The following FRMD6 variants were observed in gnomAD, a reference collection of about 807,000 sequenced individuals.
The protein encoded by FRMD6 is FERM domain-containing protein 6.
In FRMD6, 37 loss-of-function variants were observed where a neutral mutation model predicts 73.2. The ratio of observed to expected loss-of-function variants is 0.51; its 90% CI spans 0.39 to 0.66. The LOEUF (loss-of-function observed/expected upper bound fraction) is 0.66. Among genes scored for constraint, FRMD6 ranks in the 30% least tolerant of loss-of-function variants. The pLI, the probability that FRMD6 is intolerant of heterozygous loss-of-function variation, is 0.00. For missense variants in FRMD6, 714 were observed against 780.5 expected (o/e 0.91, Z 1.02); for synonymous variants, 273 against 282.2 (o/e 0.97, Z 0.33).
At chr14:51,651,790 C>T (rs1252532362), upstream of FRMD6, 1 of 100,516 alleles carries the variant, frequency 9.9e-6, no homozygotes, top group Non-Finnish European at 2.0e-5. Flanking sequence ...CCAGTTGGGG[C>T]GGGTCGGGGG....
chr14:51,525,043 G>A (rs1566792706), intron 1 of FRMD6, among the ~76,000 whole-genome samples: 1 of 140,666 alleles, frequency 7.1e-6, no homozygotes, highest in Non-Finnish European at 1.5e-5. Context: ...GAGAGAAAGA[G>A]AGAGAGAGAG....
chr14:51,397,126 A>G, the FRMD6 span: 1 of 152,314 alleles, frequency 6.6e-6, no homozygotes, highest in African/African-American at 2.4e-5. Flanking sequence ...CTGATCTGCA[A>G]GAGGAGACTG....
the FRMD6 span, among the ~76,000 whole-genome samples, chr14:51,476,920 G>T: frequency 6.6e-6 from 1 of 152,210 alleles, no homozygotes; most frequent in South Asian, 2.1e-4. Context: ...CTATAGGGAA[G>T]ACTGCAGAAA....
chr14:51,416,921 C>T, the FRMD6 span, among the ~76,000 whole-genome samples: 1 of 152,104 alleles, frequency 6.6e-6, no homozygotes, highest in Admixed American at 6.5e-5. Flanking sequence ...CCTTCTTTGT[C>T]TCTTTTGATC....
upstream of FRMD6, among the ~76,000 whole-genome samples, chr14:51,488,076 C>T (rs1001404321): frequency 6.6e-6 from 1 of 152,220 alleles, no homozygotes; most frequent in African/African-American, 2.4e-5. Flanking sequence ...GGCAGTTCCT[C>T]TTTCCCTAGG....
At chr14:51,702,902 G>A (rs552033417) in intron 5 of FRMD6, among the ~76,000 whole-genome samples, 68 of 152,042 alleles carry the variant, frequency 4.5e-4, no homozygotes, top group African/African-American at 1.6e-3. Flanking sequence ...TCTCCAAAAA[G>A]ATACTTATTT....
intron 4 of FRMD6, among the ~76,000 whole-genome samples, chr14:51,702,266 A>G (rs529646522): frequency 6.6e-6 from 1 of 152,106 alleles, no homozygotes; most frequent in South Asian, 2.1e-4. Flanking sequence ...CATTGGCATT[A>G]CAGTGAATGA....
intron 1 of FRMD6, among the ~76,000 whole-genome samples, chr14:51,495,914 A>G (rs576352732): frequency 6.6e-6 from 1 of 152,356 alleles, no homozygotes; most frequent in East Asian, 1.9e-4. Context: ...TTATTGGTTT[A>G]GGTGGTCACC....
At chr14:51,693,137 A>G (rs1185452729) in intron 2 of FRMD6, among the ~76,000 whole-genome samples, 3 of 152,220 alleles carry the variant, frequency 2.0e-5, no homozygotes, top group Admixed American at 1.3e-4. Flanking sequence ...CCTGAATTCA[A>G]ATCTCATATC....
intron 1 of FRMD6, among the ~76,000 whole-genome samples, chr14:51,564,655 G>C (rs1887678464): frequency 6.6e-6 from 1 of 152,178 alleles, no homozygotes; most frequent in Non-Finnish European, 1.5e-5. Flanking sequence ...AACAGCCTTA[G>C]AAAGAGAGGT....
intron 1 of FRMD6, among the ~76,000 whole-genome samples, chr14:51,549,816 C>T (rs1418162655): frequency 6.6e-5 from 10 of 151,888 alleles, no homozygotes; most frequent in African/African-American, 2.4e-4. Flanking sequence ...AGGATGATCT[C>T]GATCTCCTGA....
At chr14:51,679,102 T>C (rs1196752437) in intron 1 of FRMD6, among the ~76,000 whole-genome samples, 3 of 152,060 alleles carry the variant, frequency 2.0e-5, no homozygotes, top group African/African-American at 7.2e-5. Context: ...GTGATATGTA[T>C]GATCAGATAT....
At chr14:51,455,742 C>G in the FRMD6 span, among the ~76,000 whole-genome samples, 1 of 152,048 alleles carries the variant, frequency 6.6e-6, no homozygotes, top group African/African-American at 2.4e-5. Context: ...GCAAAGCAAA[C>G]GTCTGGGAAT....
chr14:51,614,964 G>A (rs1467703562), intron 2 of FRMD6, among the ~76,000 whole-genome samples: 1 of 152,188 alleles, frequency 6.6e-6, no homozygotes, highest in African/African-American at 2.4e-5. Flanking sequence ...TAAGGTTGAG[G>A]AGTTTCTTAG....
intron 2 of FRMD6, among the ~76,000 whole-genome samples, chr14:51,616,903 A>C (rs1187701771): frequency 6.6e-6 from 1 of 152,234 alleles, no homozygotes; most frequent in African/African-American, 2.4e-5. Context: ...CTTTGTGTGC[A>C]TGCTTACTAT....
chr14:51,434,388 G>A, the FRMD6 span, among the ~76,000 whole-genome samples: 1 of 152,144 alleles, frequency 6.6e-6, no homozygotes, highest in East Asian at 1.9e-4. Context: ...GATAAGATTA[G>A]TCTGGAACAT....
Position 51,725,771 on chromosome 14 carries a change from T to C in FRMD6, c.1493-8T>C, listed in dbSNP as rs1360489692. 12 of 1,601,758 alleles carry C rather than the reference T, an allele frequency of 7.5e-6. No homozygotes were observed. The highest frequency in any genetic ancestry group is 1.0e-5 in the Non-Finnish European group (12 of 1,169,062). On this transcript the variant is annotated splice_polypyrimidine_tract_variant and splice_region_variant and intron_variant, in intron 12 of 13. Transcript: ENST00000344768. ...ATTTATTGTTTTTATCTCTGTGTTT[T>C]ATTTCAGGGTTGATTGTGAAAGAAA...
intron 2 of FRMD6, among the ~76,000 whole-genome samples, chr14:51,588,182 T>C (rs1889164645): frequency 6.6e-6 from 1 of 152,040 alleles, no homozygotes; most frequent in South Asian, 2.1e-4. Flanking sequence ...AAAAAGCATT[T>C]CCCCCCCTCC....
intron 1 of FRMD6, among the ~76,000 whole-genome samples, chr14:51,556,219 T>C (rs1478350596): frequency 6.6e-6 from 1 of 152,262 alleles, no homozygotes; most frequent in African/African-American, 2.4e-5. Flanking sequence ...TGATTACTGC[T>C]TCCTTTCTAC....
Sources: gnomAD v4.1 joint callset for allele counts (sites outside exome capture counted in the v4.1 genomes callset) on GRCh38, gnomAD v4.1.1 for gene constraint, MANE v1.5 for transcripts, NCBI Gene and HGNC (gene_info 2026-07-23, HGNC 2026-07-21) for gene names.